LMBRD2: variants seen among roughly 807,000 people sequenced by gnomAD.
The protein encoded by LMBRD2 is LMBR1 domain containing 2, also known as G protein-coupled receptor-associated protein LMBRD2.
LMBRD2 carries 55 observed loss-of-function variants against 94.4 expected under a neutral mutation model. The observed-to-expected ratio is 0.58, with a 90% CI of 0.47 to 0.73. The LOEUF (loss-of-function observed/expected upper bound fraction) is 0.73, where lower values mean the gene tolerates loss of function less well. LMBRD2 is among the 30% of genes least tolerant of loss of function. The pLI, the probability that LMBRD2 is intolerant of heterozygous loss-of-function variation, is 0.00. For synonymous variants in LMBRD2, 246 were observed against 272.4 expected, an observed-to-expected ratio of 0.90 and a Z score of 0.95; for missense variants, 640 against 831.9, an observed-to-expected ratio of 0.77 and a Z score of 2.84.
Position 36,141,585 on chromosome 5 carries a change from GT to G in LMBRD2, c.273-384del, listed in dbSNP as rs60815164. Among the ~76,000 whole-genome samples the G allele has an allele frequency of 0.016, 2,320 of 143,624 alleles. 125 individuals are homozygous for G. The South Asian group carries it at 0.19, about 12-fold the overall frequency. The allele number at this position is 143,624 out of a possible 152,430, so 94.2% of individuals were successfully genotyped here. On this transcript the variant is annotated intron_variant, in intron 3 of 17. Coordinates refer to ENST00000296603, the MANE Select transcript of LMBRD2 (RefSeq NM_001007527.2). ...AATACACAATCCATTTATAGGTTGGGTTTTTTTTTTTTCAGGTTATAGGGGT... is the reference window on the plus strand; with the variant it reads ...AATACACAATCCATTTATAGGTTGGGTTTTTTTTTTTCAGGTTATAGGGGT...
At chr5:36,118,655 G>GTTTT (rs755231683) in intron 9 of LMBRD2, among the ~76,000 whole-genome samples, 1 of 142,478 alleles carries the variant, frequency 7.0e-6, no homozygotes, top group Non-Finnish European at 1.5e-5. Context: ...TTGGTTTTTT[G>GTTTT]TTTTTTTTTT....
At chr5:36,129,287 A>G (rs1420873361) in intron 6 of LMBRD2, among the ~76,000 whole-genome samples, 1 of 152,168 alleles carries the variant, frequency 6.6e-6, no homozygotes, top group Non-Finnish European at 1.5e-5. Context: ...ATTTATCTCA[A>G]ATAAGACTAT....
In LMBRD2 at chr5:36,105,057, C is replaced by A; in HGVS notation, c.2027+11G>T. 1.2e-6 allele frequency: 2 copies of A among 1,610,738 alleles called. No individual in the cohort carries two copies. The highest frequency in any genetic ancestry group is 1.7e-6 in the Non-Finnish European group (2 of 1,178,070). On this transcript the variant is annotated intron_variant, in intron 17 of 17. Coordinates refer to ENST00000296603, the MANE Select transcript of LMBRD2 (RefSeq NM_001007527.2). ...GAATGCTAGAGCTAAAATGTCACAG[C>A]CAGAACTTACCTTCCTGATTCAGAT...
intron 4 of LMBRD2, among the ~76,000 whole-genome samples, chr5:36,138,052 T>C (rs912120957): frequency 3.3e-5 from 5 of 151,742 alleles, no homozygotes; most frequent in South Asian, 2.1e-4. Context: ...TTAAGAGAGG[T>C]AGAGAACAGA....
chr5:36,100,785 T>C lies in LMBRD2; in HGVS notation c.*3261A>G, dbSNP rs912190990. ...GAATTATAATATGGAGAGTTTATTT[T>C]TTCTCTAATATGGTAATCAGCACAC... On this transcript the variant is annotated 3_prime_UTR_variant, in exon 18 of 18. Transcript: ENST00000296603. 1 of 152,104 alleles carries C rather than the reference T, an allele frequency of 6.6e-6. No homozygotes were observed. The highest frequency in any genetic ancestry group is 1.5e-5 in the Non-Finnish European group (1 of 67,982). 9.4% of individuals were successfully genotyped at this position (152,104 alleles called of 1,614,324 possible).
chr5:36,109,546 T>C (rs1307569322), intron 15 of LMBRD2, among the ~76,000 whole-genome samples: 1 of 151,984 alleles, frequency 6.6e-6, no homozygotes, highest in Non-Finnish European at 1.5e-5. Context: ...CCTCAGAAAA[T>C]GGAGGCTTAA....
At chr5:36,149,474 C>G (rs1744635286) in intron 1 of LMBRD2, among the ~76,000 whole-genome samples, 1 of 152,180 alleles carries the variant, frequency 6.6e-6, no homozygotes, top group Admixed American at 6.5e-5. Context: ...AGGCCCAGGC[C>G]CCTTCTATAG....
In LMBRD2 at chr5:36,098,819, G is replaced by A. The variant is rs566839410; in HGVS notation, c.*5227C>T. ...TGAAAATGTAGTGAGAATCTACAGA[G>A]AAAAAAAATAGTTTAATCTACAACC... On this transcript the variant is annotated 3_prime_UTR_variant, in exon 18 of 18. Transcript: ENST00000296603. 2.7e-5 allele frequency: 4 copies of A among 150,788 alleles called. No homozygotes were observed. The East Asian group carries it at 7.8e-4, about 29-fold the overall frequency. 9.3% of individuals were successfully genotyped at this position (150,788 alleles called of 1,614,324 possible).
chr5:36,113,140 C>A (rs756049546), intron 13 of LMBRD2, among the ~76,000 whole-genome samples: 3 of 152,194 alleles, frequency 2.0e-5, no homozygotes, highest in Admixed American at 2.0e-4. Context: ...CAGCACCGCG[C>A]CCTGGGCCTG....
At chr5:36,131,999 C>T (rs952223011) in intron 6 of LMBRD2, among the ~76,000 whole-genome samples, 1 of 152,000 alleles carries the variant, frequency 6.6e-6, no homozygotes, top group Non-Finnish European at 1.5e-5. Flanking sequence ...AAAAGAGCCT[C>T]AACTGCCAAA....
intron 16 of LMBRD2, among the ~76,000 whole-genome samples, chr5:36,105,415 A>G (rs1338180154): frequency 6.6e-6 from 1 of 152,210 alleles, no homozygotes; most frequent in Non-Finnish European, 1.5e-5. Context: ...TAGTTAGCTA[A>G]GAAGCTCTCT....
Position 36,114,490 on chromosome 5 carries a change from A to G in LMBRD2, c.1574T>C (p.Ile525Thr). ...IMGSMKVLSF[I>T]ADGFYIYYPM... is the part of the protein sequence containing the mutation. ...ATAATATATATAGAATCCATCTGCA[A>G]TAAAGGATAAAACTTTCATGGAACC... Residue 525 changes from isoleucine (I) to threonine (T), a missense_variant, in exon 13 of 18, where the codon ATT becomes ACT. Physicochemically the swap from Ile to Thr is moderately conservative, Grantham distance 89 (BLOSUM62 -1). Coordinates refer to ENST00000296603, the MANE Select transcript of LMBRD2 (RefSeq NM_001007527.2). The G allele has an allele frequency of 6.4e-7, 1 of 1,565,284 alleles. No individual in the cohort carries two copies. Among genetic ancestry groups the G allele is most frequent in the Non-Finnish European group, 8.6e-7 (1 of 1,161,774 alleles).
Position 36,109,979 on chromosome 5 carries a change from CT to C in LMBRD2, c.1756del (p.Arg586GlyfsTer64). 4 of 1,607,798 alleles carry C rather than the reference CT, an allele frequency of 2.5e-6. No homozygotes were observed. Among genetic ancestry groups the C allele is most frequent in the Admixed American group, 1.7e-5 (1 of 59,820 alleles). On this transcript the variant is annotated frameshift_variant, in exon 15 of 18. Transcript: ENST00000296603. LOFTEE classifies it high-confidence loss of function. ...ATTTTCACCTTCTTCTTGCCTTTGC[CT>C]TTTTCTCTTCTCTAAAGACAGAAAA... is the stretch of plus-strand genomic sequence containing the variant. ...KELIRKEKRK[R>X]QRQEEGENRR... is the part of the protein sequence containing the mutation.
At chr5:36,122,546 G>T in intron 8 of LMBRD2, 83 bp from the exon 9 acceptor site, 1 of 1,206,268 alleles carries the variant, frequency 8.3e-7, no homozygotes, top group Non-Finnish European at 1.2e-6. Context: ...TGTTTGGATT[G>T]TCATAACAAT....
chr5:36,133,953 C>G (rs1744211758), intron 6 of LMBRD2, among the ~76,000 whole-genome samples: 2 of 152,066 alleles, frequency 1.3e-5, no homozygotes, highest in African/African-American at 4.8e-5. Context: ...CCAAATTCCT[C>G]AAATCTGAAA....
intron 1 of LMBRD2, 83 bp from the exon 2 acceptor site, chr5:36,143,489 A>G: frequency 1.9e-6 from 1 of 525,278 alleles, no homozygotes; most frequent in Non-Finnish European, 3.3e-6. Flanking sequence ...TTATTAGTAC[A>G]TTAATACATT....
chr5:36,134,084 A>G (rs1443752864), intron 6 of LMBRD2, among the ~76,000 whole-genome samples: 1 of 152,160 alleles, frequency 6.6e-6, no homozygotes, highest in Non-Finnish European at 1.5e-5. Context: ...CAAAAATTCA[A>G]AATTTCAAAT....
At chr5:36,107,832 C>T (rs1399084455) in intron 16 of LMBRD2, among the ~76,000 whole-genome samples, 3 of 152,120 alleles carry the variant, frequency 2.0e-5, no homozygotes, top group Non-Finnish European at 4.4e-5. Flanking sequence ...TGAGAGTGCT[C>T]AGTTTTTCTC....
rs1743441094 is a variant in LMBRD2 at position 36,105,330 on chromosome 5, A to T, written c.1898-133T>A. The stretch of plus-strand genomic sequence containing the variant: ...ACAAAGAACATAAGAAAAGATAACT[A>T]CATGGTTCCTTAAAATCAGATTAAA... On this transcript the variant is annotated intron_variant, in intron 16 of 17. Coordinates refer to ENST00000296603, the MANE Select transcript of LMBRD2 (RefSeq NM_001007527.2). 3.9e-6 allele frequency: 3 copies of T among 766,294 alleles called. No homozygotes were observed. In the South Asian group the frequency reaches 6.0e-5, roughly 15 times the overall value. 47.5% of individuals were successfully genotyped at this position (766,294 alleles called of 1,614,324 possible).
Sources: gnomAD v4.1 joint callset for allele counts (sites outside exome capture counted in the v4.1 genomes callset) on GRCh38, gnomAD v4.1.1 for gene constraint, MANE v1.5 for transcripts, NCBI Gene and HGNC (gene_info 2026-07-23, HGNC 2026-07-21) for gene names.